Variants in CNTN5 observed in about 807,000 individuals in gnomAD.
The protein encoded by CNTN5 is contactin-5.
A neutral mutation model predicts 129.1 loss-of-function variants in CNTN5; 77 were observed. The ratio of observed to expected loss-of-function variants is 0.60; its 90% CI spans 0.50 to 0.72. The LOEUF is 0.72. Among genes scored for constraint, CNTN5 ranks in the 30% least tolerant of loss-of-function variants. The probability of loss-of-function intolerance (pLI) is 0.00; values close to 1 mark genes in which losing one functional copy is unlikely to be tolerated. For synonymous variants in CNTN5, 509 were observed against 465.6 expected (o/e 1.09, Z -1.20); for missense variants, 1,478 against 1,328.8 (o/e 1.11, Z -1.75).
chr11:99,931,900 G>C (rs1950201171), intron 7 of CNTN5, among the ~76,000 whole-genome samples: 1 of 152,122 alleles, frequency 6.6e-6, no homozygotes, highest in Non-Finnish European at 1.5e-5. Context: ...ATCTAAGCTA[G>C]TCCTCCCTAT....
chr11:99,976,650 C>T (rs1937993122), intron 8 of CNTN5, among the ~76,000 whole-genome samples: 1 of 152,210 alleles, frequency 6.6e-6, no homozygotes, highest in South Asian at 2.1e-4. Flanking sequence ...CCCGTTTTAG[C>T]CATGGCTGGA....
At chr11:100,024,320 T>C (rs371762331) in intron 9 of CNTN5, among the ~76,000 whole-genome samples, 40 of 152,204 alleles carry the variant, frequency 2.6e-4, no homozygotes, top group African/African-American at 8.7e-4. Flanking sequence ...TCCTGAGGCC[T>C]CCCCAGCCAT....
chr11:99,349,410 A>G (rs10893173), intron 2 of CNTN5, among the ~76,000 whole-genome samples: 27,697 of 152,110 alleles, frequency 0.18, 2,544 homozygotes, highest in East Asian at 0.28. Flanking sequence ...GTTCAGCTCC[A>G]TGGCATTTAT....
chr11:100,020,683 G>A (rs1477511945), intron 9 of CNTN5, among the ~76,000 whole-genome samples: 2 of 152,026 alleles, frequency 1.3e-5, no homozygotes, highest in Non-Finnish European at 2.9e-5. Context: ...AAACATTAAA[G>A]AGTCCAACAA....
At chr11:99,644,284 A>T (rs1192009535) in intron 3 of CNTN5, among the ~76,000 whole-genome samples, 1 of 152,152 alleles carries the variant, frequency 6.6e-6, no homozygotes, top group Non-Finnish European at 1.5e-5. Context: ...AGCACTTTGA[A>T]CACATATGTG....
intron 13 of CNTN5, among the ~76,000 whole-genome samples, chr11:100,090,505 C>CCTTTCCTCCTTT (rs374635479): frequency 2.7e-5 from 1 of 37,530 alleles, no homozygotes; most frequent in Non-Finnish European, 4.6e-5. Flanking sequence ...CTCCTTTCCT[C>CCTTTCCTCCTTT]CCTCCCTCCC....
At chr11:100,011,319 C>T (rs988672978) in intron 9 of CNTN5, among the ~76,000 whole-genome samples, 2 of 152,042 alleles carry the variant, frequency 1.3e-5, no homozygotes, top group Non-Finnish European at 2.9e-5. Context: ...CTTAAATGAC[C>T]CAATACACAA....
intron 3 of CNTN5, among the ~76,000 whole-genome samples, chr11:99,757,052 G>A (rs1356610278): frequency 4.6e-5 from 7 of 151,650 alleles, no homozygotes; most frequent in South Asian, 2.1e-4. Context: ...TAACAAATTA[G>A]CACAAACCAG....
chr11:99,224,706 G>A (rs949354789), intron 1 of CNTN5, among the ~76,000 whole-genome samples: 2 of 122,834 alleles, frequency 1.6e-5, no homozygotes, highest in Non-Finnish European at 3.2e-5. Flanking sequence ...CACCCAAGCT[G>A]GAGTTCAGTG....
At chr11:99,619,715 C>A (rs670897) in intron 3 of CNTN5, among the ~76,000 whole-genome samples, 68,391 of 151,768 alleles carry the variant, frequency 0.45, 15,865 homozygotes, top group Admixed American at 0.59. Context: ...TCAGGTCTTA[C>A]ATAAAATGTG....
At chr11:99,670,327 A>G (rs1952980682) in intron 3 of CNTN5, among the ~76,000 whole-genome samples, 1 of 152,152 alleles carries the variant, frequency 6.6e-6, no homozygotes, top group East Asian at 1.9e-4. Context: ...ATCCCCATTG[A>G]AGAATTATGA....
chr11:99,197,277 T>G (rs762499554), intron 1 of CNTN5, among the ~76,000 whole-genome samples: 21 of 151,856 alleles, frequency 1.4e-4, no homozygotes, highest in Non-Finnish European at 2.9e-5. Flanking sequence ...AACTTAAGAG[T>G]ACATAATAAT....
At chr11:99,659,082 CACT>C (rs1403436869) in intron 3 of CNTN5, among the ~76,000 whole-genome samples, 1 of 151,890 alleles carries the variant, frequency 6.6e-6, no homozygotes, top group Non-Finnish European at 1.5e-5. Flanking sequence ...TGGTCAAAGA[CACT>C]TACTCATGGG....
intron 1 of CNTN5, among the ~76,000 whole-genome samples, chr11:99,037,412 A>C (rs77956233): frequency 0.035 from 5,377 of 151,736 alleles, 315 homozygotes; most frequent in African/African-American, 0.12. Context: ...TCCTTCAGCA[A>C]CTCTTTTCTA....
In CNTN5 at chr11:99,706,632, C is replaced by T. The variant is rs565980408; in HGVS notation, c.56-112912C>T. ...AATTTGTATGTGGTGTCGTCAGAAA[C>T]TATTTTTCTCTCTTGGGTAGAAGTC... On this transcript the variant is annotated intron_variant, in intron 3 of 24. Transcript: ENST00000524871. Among the ~76,000 whole-genome samples, 9 of 151,432 alleles carry T rather than the reference C, an allele frequency of 5.9e-5. No homozygotes were observed. In the South Asian group the frequency reaches 1.9e-3, roughly 31 times the overall value.
intron 21 of CNTN5, among the ~76,000 whole-genome samples, chr11:100,313,720 G>A (rs1001489943): frequency 6.6e-6 from 1 of 152,008 alleles, no homozygotes; most frequent in Non-Finnish European, 1.5e-5. Flanking sequence ...GAGAACAAGA[G>A]CAGAGGGGAA....
intron 1 of CNTN5, among the ~76,000 whole-genome samples, chr11:99,103,728 A>G (rs1226095527): frequency 6.6e-6 from 1 of 151,744 alleles, no homozygotes; most frequent in Non-Finnish European, 1.5e-5. Flanking sequence ...TTCTTGTTTA[A>G]CCAGGTGAAC....
intron 3 of CNTN5, among the ~76,000 whole-genome samples, chr11:99,599,025 A>C (rs1031196005): frequency 6.6e-6 from 1 of 152,172 alleles, no homozygotes; most frequent in Non-Finnish European, 1.5e-5. Context: ...ATTTAAGAAA[A>C]TCAAAATTAT....
chr11:99,884,964 G>T (rs141339060), intron 6 of CNTN5, among the ~76,000 whole-genome samples: 5 of 151,902 alleles, frequency 3.3e-5, no homozygotes, highest in Non-Finnish European at 1.5e-5. Flanking sequence ...GCGACAGAGC[G>T]ACACCCCATC....
Sources: gnomAD v4.1 joint callset for allele counts (sites outside exome capture counted in the v4.1 genomes callset) on GRCh38, gnomAD v4.1.1 for gene constraint, MANE v1.5 for transcripts, NCBI Gene and HGNC (gene_info 2026-07-23, HGNC 2026-07-21) for gene names.